The following SYT1 variants were observed in gnomAD, a reference collection of about 807,000 sequenced individuals.
The protein encoded by SYT1 is synaptotagmin 1, also known as synaptotagmin-1.
A neutral mutation model predicts 44.8 loss-of-function variants in SYT1; 8 were observed. That is an observed-to-expected ratio of 0.18 (90% CI 0.10 to 0.32). The LOEUF is 0.32. Among genes scored for constraint, SYT1 ranks in the 10% least tolerant of loss-of-function variants. The pLI is 1.00. For missense variants in SYT1, 286 were observed against 509.3 expected (o/e 0.56, Z 4.22); for synonymous variants, 154 against 188.8 (o/e 0.82, Z 1.51).
chr12:78,990,383 A>C (rs1869937746), intron 2 of SYT1, among the ~76,000 whole-genome samples: 1 of 152,146 alleles, frequency 6.6e-6, no homozygotes, highest in South Asian at 2.1e-4. Context: ...TATTATTGTA[A>C]CTTTTTCTGA....
intron 1 of SYT1, among the ~76,000 whole-genome samples, chr12:78,951,287 T>C (rs913219259): frequency 6.6e-6 from 1 of 152,148 alleles, no homozygotes. Flanking sequence ...CATCTATTTA[T>C]TTATTAAACA....
intron 1 of SYT1, among the ~76,000 whole-genome samples, chr12:78,876,795 A>ATTATATGTAATACATATC (rs1555177056): frequency 3.7e-5 from 1 of 27,164 alleles, no homozygotes; most frequent in South Asian, 1.3e-3. Context: ...TAATACATAT[A>ATTATATGTAATACATATC]ATATATTATA....
chr12:79,065,313 G>A (rs1432319761), intron 3 of SYT1, among the ~76,000 whole-genome samples: 1 of 152,156 alleles, frequency 6.6e-6, no homozygotes, highest in Non-Finnish European at 1.5e-5. Context: ...GAGTCCGGGA[G>A]GTGAAGGATA....
chr12:78,871,615 C>G (rs568015361), intron 1 of SYT1, among the ~76,000 whole-genome samples: 116 of 151,972 alleles, frequency 7.6e-4, no homozygotes, highest in Admixed American at 3.3e-3. Flanking sequence ...GCTATAACAA[C>G]TCATTAAGGG....
chr12:79,061,111 C>T lies in SYT1; in HGVS notation c.-18+13749C>T, dbSNP rs75564892. Reference sequence around the variant, plus strand: ...GGAGCATTGATTCTAAATAAGAATGCAAATTTATAGCCATCAAGTTTTCTA... The same window carrying T: ...GGAGCATTGATTCTAAATAAGAATGTAAATTTATAGCCATCAAGTTTTCTA... On this transcript the variant is annotated intron_variant, in intron 3 of 10. Transcript: ENST00000261205. Among the ~76,000 whole-genome samples the T allele has an allele frequency of 1.9e-3, 286 of 152,086 alleles. 4 individuals are homozygous for T. The East Asian group carries it at 0.02, about 11-fold the overall frequency.
intron 9 of SYT1, among the ~76,000 whole-genome samples, chr12:79,414,679 C>A (rs1343055141): frequency 6.6e-6 from 1 of 151,920 alleles, no homozygotes; most frequent in Non-Finnish European, 1.5e-5. Flanking sequence ...GCATCAACTG[C>A]CTGAAGATAA....
intron 1 of SYT1, among the ~76,000 whole-genome samples, chr12:78,929,478 A>G (rs1877513819): frequency 7.1e-6 from 1 of 141,294 alleles, no homozygotes; most frequent in Non-Finnish European, 1.5e-5. Flanking sequence ...TTATAAAGGT[A>G]GGAAGAATCT....
At chr12:79,389,284 A>T (rs1884561606) in intron 9 of SYT1, among the ~76,000 whole-genome samples, 1 of 152,150 alleles carries the variant, frequency 6.6e-6, no homozygotes, top group Non-Finnish European at 1.5e-5. Flanking sequence ...AAGACACTGA[A>T]TCTATATTAC....
intron 3 of SYT1, among the ~76,000 whole-genome samples, chr12:79,204,478 C>T (rs1455842997): frequency 2.0e-5 from 3 of 152,230 alleles, no homozygotes; most frequent in South Asian, 2.1e-4. Context: ...AGCAAAGCAA[C>T]GGAGAAAGGA....
At chr12:79,130,836 G>A (rs1868765420) in intron 3 of SYT1, among the ~76,000 whole-genome samples, 1 of 152,082 alleles carries the variant, frequency 6.6e-6, no homozygotes, top group Non-Finnish European at 1.5e-5. Context: ...AGGCTAACTT[G>A]TTAGCTTACA....
intron 1 of SYT1, among the ~76,000 whole-genome samples, chr12:78,940,315 T>C (rs117681772): frequency 0.022 from 3,279 of 152,334 alleles, 53 homozygotes; most frequent in Middle Eastern, 0.078. Context: ...TATACCATTC[T>C]TAATGCTCCT....
intron 1 of SYT1, among the ~76,000 whole-genome samples, chr12:78,911,184 G>T (rs535385321): frequency 1.6e-4 from 25 of 152,154 alleles, no homozygotes; most frequent in African/African-American, 5.8e-4. Context: ...TTTCTGGCTT[G>T]TACAACTAGA....
chr12:78,956,006 A>G (rs1211184607), intron 1 of SYT1, among the ~76,000 whole-genome samples: 1 of 152,080 alleles, frequency 6.6e-6, no homozygotes, highest in Admixed American at 6.6e-5. Flanking sequence ...AAAGAGGTCA[A>G]GGTGTGTGGG....
At chr12:79,296,341 A>T (rs1487180935) in intron 7 of SYT1, 105 bp downstream of exon 7, 4 of 1,187,348 alleles carry the variant, frequency 3.4e-6, no homozygotes, top group Non-Finnish European at 3.5e-6. Flanking sequence ...TTGTTCAGGC[A>T]CTCACAATAA....
At chr12:79,086,564 G>A (rs1877397586) in intron 3 of SYT1, among the ~76,000 whole-genome samples, 1 of 152,274 alleles carries the variant, frequency 6.6e-6, no homozygotes, top group Admixed American at 6.5e-5. Flanking sequence ...GGCTTCGCAG[G>A]ATGTGAAATG....
intron 3 of SYT1, among the ~76,000 whole-genome samples, chr12:79,061,886 T>C (rs957280316): frequency 2.6e-5 from 4 of 152,168 alleles, no homozygotes; most frequent in African/African-American, 9.6e-5. Context: ...ACAAATGTTT[T>C]TATGTTTTCA....
At chr12:79,406,267 G>C (rs548550580) in intron 9 of SYT1, among the ~76,000 whole-genome samples, 17 of 152,252 alleles carry the variant, frequency 1.1e-4, no homozygotes, top group African/African-American at 3.6e-4. Context: ...TGACTGGTAT[G>C]TCTGTAGCTG....
chr12:78,882,082 G>A (rs921914987), intron 1 of SYT1, among the ~76,000 whole-genome samples: 5 of 151,622 alleles, frequency 3.3e-5, no homozygotes, highest in African/African-American at 4.8e-5. Flanking sequence ...ATAAGAGGTC[G>A]GGGGCCATGT....
intron 3 of SYT1, among the ~76,000 whole-genome samples, chr12:79,195,412 G>A (rs1408984575): frequency 1.3e-5 from 2 of 150,738 alleles, no homozygotes; most frequent in Non-Finnish European, 2.9e-5. Context: ...GCTGCATTTT[G>A]TTGGGTTGAG....
Sources: gnomAD v4.1 joint callset for allele counts (sites outside exome capture counted in the v4.1 genomes callset) on GRCh38, gnomAD v4.1.1 for gene constraint, MANE v1.5 for transcripts, NCBI Gene and HGNC (gene_info 2026-07-23, HGNC 2026-07-21) for gene names.